LIPC: variants seen among roughly 807,000 people sequenced by gnomAD.
LIPC encodes hepatic triacylglycerol lipase.
In LIPC, 44 loss-of-function variants were observed where a neutral mutation model predicts 50.7. The observed-to-expected ratio is 0.87, with a 90% CI of 0.68 to 1.11. The LOEUF is 1.11. Ranked by LOEUF, LIPC falls within the 50% of genes most tolerant of loss-of-function variation. The probability of loss-of-function intolerance (pLI) is 0.00; values close to 1 mark genes in which losing one functional copy is unlikely to be tolerated. For missense variants in LIPC, 697 were observed against 648.2 expected (o/e 1.08, Z -0.82); for synonymous variants, 271 against 256.4 (o/e 1.06, Z -0.54).
intron 2 of LIPC, among the ~76,000 whole-genome samples, chr15:58,540,691 T>C (rs1478650551): frequency 1.3e-5 from 2 of 152,152 alleles, no homozygotes; most frequent in African/African-American, 2.4e-5. Context: ...TCCCCTGACA[T>C]ACCACACTGC....
intron 4 of LIPC, among the ~76,000 whole-genome samples, chr15:58,543,185 G>A (rs1313318828): frequency 6.6e-6 from 1 of 152,166 alleles, no homozygotes; most frequent in East Asian, 1.9e-4. Context: ...GTCTGCACAT[G>A]TGCGAGGAAG....
intron 1 of LIPC, among the ~76,000 whole-genome samples, chr15:58,504,536 G>A (rs908119960): frequency 1.3e-5 from 2 of 152,154 alleles, no homozygotes; most frequent in African/African-American, 4.8e-5. Context: ...ACAAAGCAGA[G>A]GGTGGCTTGA....
At position 58,542,637 on chromosome 15, in the gene LIPC, T is replaced by C. The variant is rs781032963; in HGVS notation, c.560T>C (p.Ile187Thr). 1 of 1,611,842 alleles carries C rather than the reference T, an allele frequency of 6.2e-7. No homozygotes were observed. The highest frequency in any genetic ancestry group is 8.5e-7 in the Non-Finnish European group (1 of 1,178,186). The change falls in exon 4 of 9, where the codon ATT becomes ACT. Residue 187 changes from isoleucine (I) to threonine (T), a missense_variant. By Grantham distance (89) the Ile-to-Thr change is moderately conservative. Transcript: ENST00000299022. ...AGTTCCATCGGTGGAACGCACAAGA[T>C]TGGGAGAATCACAGGTAACCATGCC... The part of the protein sequence containing the change: ...AGSSIGGTHK[I>T]GRITGLDAAG...
At chr15:58,519,743 T>C (rs1386232257) in intron 1 of LIPC, among the ~76,000 whole-genome samples, 1 of 152,236 alleles carries the variant, frequency 6.6e-6, no homozygotes, top group Non-Finnish European at 1.5e-5. Flanking sequence ...TGGTGTATTG[T>C]GTCTCCTCCG....
At chr15:58,436,404 A>G (rs1345448755) in intron 1 of LIPC, 9 of 241,674 alleles carry the variant, frequency 3.7e-5, no homozygotes, top group African/African-American at 2.1e-4. Flanking sequence ...AATGAGTTGT[A>G]ACATCTTGTT....
At chr15:58,499,993 G>A (rs1329688391) in intron 1 of LIPC, among the ~76,000 whole-genome samples, 1 of 152,176 alleles carries the variant, frequency 6.6e-6, no homozygotes, top group Non-Finnish European at 1.5e-5. Flanking sequence ...CAGAACTTGT[G>A]TCCAGCTGGA....
At chr15:58,473,727 T>C (rs371137464) in intron 1 of LIPC, 6 of 152,252 alleles carry the variant, frequency 3.9e-5, no homozygotes, top group African/African-American at 1.4e-4. Context: ...AAAGTGAGTC[T>C]TGGAGGTTAA....
rs66982295 is a variant in LIPC at position 58,544,395 on chromosome 15, C to CTTTTTT, written c.575-1334_575-1329dup. On this transcript the variant is annotated intron_variant, in intron 4 of 8. Transcript: ENST00000299022. ...TCAGGACATTTTTCTTTTTCTCTTT[C>CTTTTTT]TTTTTTTTTTTTTTTTTTGAGACAG... Among the ~76,000 whole-genome samples the CTTTTTT allele has an allele frequency of 1.7e-4, 22 of 128,956 alleles. 2 individuals carry two copies. The highest frequency in any genetic ancestry group is 6.8e-4 in the East Asian group (3 of 4,424). 84.6% of individuals were successfully genotyped at this position (128,956 alleles called of 152,430 possible).
At chr15:58,532,371 G>A (rs367630995) in intron 1 of LIPC, among the ~76,000 whole-genome samples, 2 of 152,258 alleles carry the variant, frequency 1.3e-5, no homozygotes, top group Non-Finnish European at 1.5e-5. Context: ...ACAGAGCTGC[G>A]GTTACATTTA....
At chr15:58,567,265 A>AGGTGTG (rs373158683) in intron 8 of LIPC, among the ~76,000 whole-genome samples, 1 of 118,544 alleles carries the variant, frequency 8.4e-6, no homozygotes, top group East Asian at 2.2e-4. Flanking sequence ...ATATATGTAT[A>AGGTGTG]TGTGTGTGTG....
At chr15:58,537,872 G>A (rs890230059) in intron 1 of LIPC, among the ~76,000 whole-genome samples, 2 of 152,130 alleles carry the variant, frequency 1.3e-5, no homozygotes, top group African/African-American at 2.4e-5. Flanking sequence ...TGAGCCTCAG[G>A]AGCTAATACA....
At chr15:58,483,352 T>A (rs769304032) in intron 1 of LIPC, among the ~76,000 whole-genome samples, 1 of 152,122 alleles carries the variant, frequency 6.6e-6, no homozygotes, top group African/African-American at 2.4e-5. Context: ...TATTCTAAGG[T>A]TCCTTCTAAC....
At chr15:58,524,511 C>G (rs1028170745) in intron 1 of LIPC, among the ~76,000 whole-genome samples, 1 of 152,202 alleles carries the variant, frequency 6.6e-6, no homozygotes, top group African/African-American at 2.4e-5. Flanking sequence ...TAGCTGTTGC[C>G]AAATCCCTCT....
Position 58,505,169 on chromosome 15 carries a change from G to A in LIPC, c.89-33164G>A, listed in dbSNP as rs1395674907. ...CCACGAATAGGCCAGGACCTAAGGG[G>A]AAAGGCTACCACTCTACAGCCGGCC... On this transcript the variant is annotated intron_variant, in intron 1 of 8. Coordinates refer to ENST00000299022, the MANE Select transcript of LIPC (RefSeq NM_000236.3). 5.3e-5 allele frequency among the ~76,000 whole-genome samples: 8 copies of A among 152,232 alleles called. No individual in the cohort carries two copies. The South Asian group carries it at 8.3e-4, about 16-fold the overall frequency.
At chr15:58,560,494 G>C (rs1894122539) in intron 6 of LIPC, among the ~76,000 whole-genome samples, 7 of 152,134 alleles carry the variant, frequency 4.6e-5, no homozygotes, top group Admixed American at 4.6e-4. Context: ...ATGCCTAAAA[G>C]GCATATATTC....
intron 1 of LIPC, among the ~76,000 whole-genome samples, chr15:58,537,850 G>A (rs1196866799): frequency 2.0e-5 from 3 of 152,062 alleles, no homozygotes; most frequent in Non-Finnish European, 2.9e-5. Context: ...CTGTCTGCAC[G>A]TGAGGACAAG....
Position 58,483,667 on chromosome 15 carries a change from A to C in LIPC, c.88+51547A>C, listed in dbSNP as rs529013651. 6.9e-4 allele frequency among the ~76,000 whole-genome samples: 105 copies of C among 152,164 alleles called. 4 individuals are homozygous for C. In the South Asian group the frequency reaches 0.021, roughly 31 times the overall value. ...TTTCTAAGTAAATCTAGGAAGTTAA[A>C]GATCACAGCTGTCTCCAAGACCATG... On this transcript the variant is annotated intron_variant, in intron 1 of 8. Transcript: ENST00000299022.
At chr15:58,493,352 C>T (rs2414584) in intron 1 of LIPC, among the ~76,000 whole-genome samples, 147,891 of 152,190 alleles carry the variant, frequency 0.97, 72,009 homozygotes, top group East Asian at 1. Context: ...TGTCACAAAA[C>T]TGGGGCATCG....
chr15:58,468,538 C>T (rs546154159), intron 1 of LIPC, among the ~76,000 whole-genome samples: 1 of 152,202 alleles, frequency 6.6e-6, no homozygotes, highest in African/African-American at 2.4e-5. Context: ...GCCGCCCACT[C>T]GAGATGGATG....
Sources: gnomAD v4.1 joint callset for allele counts (sites outside exome capture counted in the v4.1 genomes callset) on GRCh38, gnomAD v4.1.1 for gene constraint, MANE v1.5 for transcripts, NCBI Gene and HGNC (gene_info 2026-07-23, HGNC 2026-07-21) for gene names.